ARB2A: variants seen among roughly 807,000 people sequenced by gnomAD.
The protein encoded by ARB2A is cotranscriptional regulator ARB2A.
the ARB2A span, among the ~76,000 whole-genome samples, chr5:93,764,766 C>T: frequency 1.3e-5 from 2 of 152,166 alleles, no homozygotes; most frequent in African/African-American, 2.4e-5. Flanking sequence ...AGACCAATAC[C>T]CTGATGAACA....
the ARB2A span, among the ~76,000 whole-genome samples, chr5:93,679,189 G>A: frequency 1.3e-5 from 2 of 152,058 alleles, no homozygotes; most frequent in Admixed American, 6.5e-5. Flanking sequence ...ATTATAATTA[G>A]TGTTCTTGGG....
chr5:93,827,218 T>G, the ARB2A span, among the ~76,000 whole-genome samples: 1 of 152,178 alleles, frequency 6.6e-6, no homozygotes, highest in Non-Finnish European at 1.5e-5. Flanking sequence ...ACCAACAGTG[T>G]AAAAGTGTTC....
At chr5:94,110,892 C>G in the ARB2A span, among the ~76,000 whole-genome samples, 1 of 152,148 alleles carries the variant, frequency 6.6e-6, no homozygotes, top group Non-Finnish European at 1.5e-5. Context: ...CAACGAGTTT[C>G]TTGGCCCAAC....
the ARB2A span, among the ~76,000 whole-genome samples, chr5:94,109,407 T>C: frequency 6.6e-6 from 1 of 152,202 alleles, no homozygotes; most frequent in East Asian, 1.9e-4. Context: ...CAATGACTAC[T>C]GTGCAAACCC....
the ARB2A span, among the ~76,000 whole-genome samples, chr5:93,892,754 CA>C: frequency 6.6e-6 from 1 of 152,104 alleles, no homozygotes; most frequent in Non-Finnish European, 1.5e-5. Context: ...CACTGCTCAG[CA>C]ATATACAACT....
At chr5:93,998,754 A>G in the ARB2A span, among the ~76,000 whole-genome samples, 1 of 152,040 alleles carries the variant, frequency 6.6e-6, no homozygotes, top group African/African-American at 2.4e-5. Context: ...TGATTCTGAT[A>G]TACAATATGC....
the ARB2A span, among the ~76,000 whole-genome samples, chr5:94,010,396 A>C: frequency 6.6e-6 from 1 of 152,154 alleles, no homozygotes; most frequent in Non-Finnish European, 1.5e-5. Flanking sequence ...TATTGTATAT[A>C]GTCAGAAAAC....
chr5:93,753,205 G>C, the ARB2A span, among the ~76,000 whole-genome samples: 1 of 152,270 alleles, frequency 6.6e-6, no homozygotes, highest in East Asian at 1.9e-4. Context: ...TACACATTCT[G>C]AGTGACACCA....
chr5:93,663,092 G>A, the ARB2A span, among the ~76,000 whole-genome samples: 4 of 151,994 alleles, frequency 2.6e-5, no homozygotes, highest in South Asian at 2.1e-4. Context: ...CACAAAATCC[G>A]CACCTCTCAA....
At chr5:93,741,449 C>T in the ARB2A span, 2 of 1,613,520 alleles carry the variant, frequency 1.2e-6, no homozygotes, top group Admixed American at 3.3e-5. Flanking sequence ...CCAGGGGCCG[C>T]CTGGGTGCTC....
At chr5:93,809,979 T>C in the ARB2A span, among the ~76,000 whole-genome samples, 3 of 152,118 alleles carry the variant, frequency 2.0e-5, no homozygotes, top group African/African-American at 2.4e-5. Flanking sequence ...CATTGAGTAA[T>C]GAAATTCTGT....
chr5:93,826,973 GTTT>G, the ARB2A span, among the ~76,000 whole-genome samples: 1 of 151,526 alleles, frequency 6.6e-6, no homozygotes, highest in South Asian at 2.1e-4. Context: ...TATGTGCCAC[GTTT>G]TTTTAATCCG....
the ARB2A span, among the ~76,000 whole-genome samples, chr5:94,094,271 G>A: frequency 1.3e-5 from 2 of 152,152 alleles, no homozygotes; most frequent in South Asian, 2.1e-4. Flanking sequence ...TCTGATAAGC[G>A]CTCTTTTCCT....
chr5:93,922,435 G>T, the ARB2A span, among the ~76,000 whole-genome samples: 1 of 151,438 alleles, frequency 6.6e-6, no homozygotes, highest in Non-Finnish European at 1.5e-5. Context: ...TTGGGAGGCC[G>T]AGGCAGGCAG....
At chr5:93,743,510 G>GT in the ARB2A span, 3 of 980,424 alleles carry the variant, frequency 3.1e-6, no homozygotes, top group Non-Finnish European at 3.6e-6. Context: ...AACTTTGCTG[G>GT]TATCTATTCT....
At chr5:94,089,891 TC>T in the ARB2A span, among the ~76,000 whole-genome samples, 1 of 152,170 alleles carries the variant, frequency 6.6e-6, no homozygotes, top group East Asian at 1.9e-4. Context: ...CAAAATCCAT[TC>T]TTTCCCTTTC....
At chr5:93,721,213 T>C in the ARB2A span, among the ~76,000 whole-genome samples, 2 of 152,226 alleles carry the variant, frequency 1.3e-5, no homozygotes, top group Admixed American at 1.3e-4. Context: ...GTAAGATGAA[T>C]TGCTGTCAGG....
the ARB2A span, chr5:93,737,817 A>G: frequency 2.5e-6 from 1 of 401,886 alleles, no homozygotes; most frequent in Non-Finnish European, 4.8e-6. Flanking sequence ...CTTACCTCAT[A>G]CCGTATACAA....
chr5:93,785,455 C>T, the ARB2A span, among the ~76,000 whole-genome samples: 1 of 151,974 alleles, frequency 6.6e-6, no homozygotes, highest in Admixed American at 6.6e-5. Flanking sequence ...TATGAATTGT[C>T]TATCAAAAAT....
Sources: allele counts gnomAD v4.1 joint callset (sites outside exome capture counted in the v4.1 genomes callset), GRCh38; gene constraint gnomAD v4.1.1; transcripts MANE v1.5; gene names NCBI Gene and HGNC (gene_info 2026-07-23, HGNC 2026-07-21).